Variants in GNAQ observed in about 807,000 individuals in gnomAD.
GNAQ encodes the protein G protein subunit alpha q.
Under a neutral mutation model 43.9 loss-of-function variants are expected in GNAQ, and 8 were observed. That is an observed-to-expected ratio of 0.18 (90% CI 0.11 to 0.33). GNAQ has a LOEUF of 0.33. Ranked by LOEUF, GNAQ falls within the 10% of genes least tolerant of loss-of-function variation. GNAQ has a pLI of 1.00. For synonymous variants in GNAQ, 155 were observed against 170.7 expected (o/e 0.91, Z 0.71); for missense variants, 158 against 450.8 (o/e 0.35, Z 5.88).
intron 1 of GNAQ, among the ~76,000 whole-genome samples, chr9:77,924,686 C>T (rs1829042947): frequency 6.6e-6 from 1 of 152,132 alleles, no homozygotes; most frequent in Admixed American, 6.5e-5. Context: ...TGGGCACTGT[C>T]CACACACTGG....
chr9:77,890,514 G>A (rs1828387206), intron 2 of GNAQ, among the ~76,000 whole-genome samples: 1 of 152,124 alleles, frequency 6.6e-6, no homozygotes, highest in African/African-American at 2.4e-5. Flanking sequence ...ACCTGTGGTT[G>A]GAAGTTCGAG....
At position 77,767,843 on chromosome 9, in the gene GNAQ, C is replaced by T. The variant is rs1463581054; in HGVS notation, c.735+26620G>A. On this transcript the variant is annotated intron_variant, in intron 5 of 6. Transcript: ENST00000286548. ...TTGAAGTCATGGTGCCCACCTACAA[C>T]CTGCCCCTTCTGCAAGAGTACCCTA... Among the ~76,000 whole-genome samples, 11 of 152,298 alleles carry T rather than the reference C, an allele frequency of 7.2e-5. No individual in the cohort carries two copies. In the East Asian group the frequency reaches 2.1e-3, roughly 29 times the overall value.
At chr9:77,982,944 T>C (rs963561909) in intron 1 of GNAQ, among the ~76,000 whole-genome samples, 2 of 152,030 alleles carry the variant, frequency 1.3e-5, no homozygotes, top group African/African-American at 4.8e-5. Flanking sequence ...ACTTAAAGTA[T>C]AATAATAAAA....
intron 2 of GNAQ, among the ~76,000 whole-genome samples, chr9:77,880,114 A>G (rs1228940604): frequency 1.3e-5 from 2 of 152,208 alleles, no homozygotes; most frequent in Non-Finnish European, 2.9e-5. Flanking sequence ...AGCTCTTCTA[A>G]TGAACAAGGA....
At chr9:77,913,428 A>C (rs1034876291) in intron 2 of GNAQ, among the ~76,000 whole-genome samples, 2 of 152,152 alleles carry the variant, frequency 1.3e-5, no homozygotes, top group South Asian at 4.1e-4. Context: ...GAAAGTAAAA[A>C]TTGAGTTCCT....
chr9:77,854,803 G>A (rs1827725901), intron 2 of GNAQ, among the ~76,000 whole-genome samples: 1 of 152,198 alleles, frequency 6.6e-6, no homozygotes, highest in African/African-American at 2.4e-5. Context: ...TGCTATGCAG[G>A]ACAATGGTAT....
chr9:77,913,641 G>A (rs987541799), intron 2 of GNAQ, among the ~76,000 whole-genome samples: 1 of 152,136 alleles, frequency 6.6e-6, no homozygotes, highest in Non-Finnish European at 1.5e-5. Flanking sequence ...ATAAACCAGA[G>A]ACAAAGGAAT....
chr9:77,803,623 G>C (rs951500417), intron 3 of GNAQ, among the ~76,000 whole-genome samples: 2 of 152,234 alleles, frequency 1.3e-5, no homozygotes, highest in Non-Finnish European at 2.9e-5. Flanking sequence ...AGATGCTACA[G>C]ATAGGAAGAT....
intron 5 of GNAQ, among the ~76,000 whole-genome samples, chr9:77,742,288 T>C (rs1437552115): frequency 1.3e-5 from 2 of 152,184 alleles, no homozygotes. Context: ...AACGCAGCAT[T>C]CCATATAATG....
chr9:77,807,923 C>T (rs749774610), intron 3 of GNAQ, among the ~76,000 whole-genome samples: 6 of 152,080 alleles, frequency 3.9e-5, no homozygotes, highest in Admixed American at 6.6e-5. Context: ...CATAAACAAA[C>T]GAACATGGCT....
intron 2 of GNAQ, among the ~76,000 whole-genome samples, chr9:77,877,639 G>A (rs1263323447): frequency 1.3e-5 from 2 of 152,102 alleles, no homozygotes; most frequent in African/African-American, 2.4e-5. Context: ...TGACTTTCAC[G>A]TACAAGTATA....
chr9:77,813,378 C>T (rs1331348483), intron 3 of GNAQ, among the ~76,000 whole-genome samples: 1 of 152,144 alleles, frequency 6.6e-6, no homozygotes, highest in East Asian at 1.9e-4. Flanking sequence ...GTTTCTATGG[C>T]AGACTAAGCC....
chr9:77,901,692 T>C (rs187844144), intron 2 of GNAQ, among the ~76,000 whole-genome samples: 3 of 152,316 alleles, frequency 2.0e-5, no homozygotes, highest in South Asian at 4.1e-4. Context: ...AACGCTACCA[T>C]CCTATACTTT....
chr9:78,012,509 G>A (rs182936776), intron 1 of GNAQ, among the ~76,000 whole-genome samples: 14 of 151,840 alleles, frequency 9.2e-5, no homozygotes, highest in East Asian at 3.9e-4. Context: ...ACCTGGCCTC[G>A]GAAAGGCATT....
intron 5 of GNAQ, among the ~76,000 whole-genome samples, chr9:77,769,479 TG>T (rs1231035102): frequency 6.6e-6 from 1 of 150,554 alleles, no homozygotes; most frequent in African/African-American, 2.5e-5. Context: ...AGGAAGGAAA[TG>T]GGAACTGCAA....
chr9:77,800,899 C>G (rs1587922335), intron 3 of GNAQ, among the ~76,000 whole-genome samples: 2 of 152,130 alleles, frequency 1.3e-5, no homozygotes, highest in South Asian at 4.1e-4. Context: ...AAACTTATTT[C>G]AGAGGAATCA....
At chr9:77,810,215 T>TA in intron 3 of GNAQ, among the ~76,000 whole-genome samples, 1 of 30,582 alleles carries the variant, frequency 3.3e-5, no homozygotes, top group East Asian at 6.8e-4. Context: ...ATCATCTATC[T>TA]ATCTATCTAT....
At chr9:77,729,816 C>T (rs1185314204) in intron 5 of GNAQ, among the ~76,000 whole-genome samples, 1 of 152,170 alleles carries the variant, frequency 6.6e-6, no homozygotes, top group African/African-American at 2.4e-5. Context: ...TGGCGTACAC[C>T]AGAGCATCCT....
chr9:77,749,340 G>A (rs1157101526), intron 5 of GNAQ, among the ~76,000 whole-genome samples: 2 of 152,114 alleles, frequency 1.3e-5, no homozygotes, highest in South Asian at 2.1e-4. Flanking sequence ...TTTCACCCCC[G>A]TGTACTCCTT....
Sources: gnomAD v4.1 joint callset for allele counts (sites outside exome capture counted in the v4.1 genomes callset) on GRCh38, gnomAD v4.1.1 for gene constraint, MANE v1.5 for transcripts, NCBI Gene and HGNC (gene_info 2026-07-23, HGNC 2026-07-21) for gene names.